SMYD3: variants seen among roughly 807,000 people sequenced by gnomAD.
The protein encoded by SMYD3 is histone-lysine N-methyltransferase SMYD3.
Under a neutral mutation model 57.7 loss-of-function variants are expected in SMYD3, and 36 were observed. That is an observed-to-expected ratio of 0.62 (90% CI 0.48 to 0.82). The LOEUF is 0.82. Ranked by LOEUF, SMYD3 falls within the 40% of genes least tolerant of loss-of-function variation. The pLI is 0.00. For missense variants in SMYD3, 515 were observed against 538.8 expected (o/e 0.96, Z 0.44); for synonymous variants, 211 against 195.0 (o/e 1.08, Z -0.68).
intron 8 of SMYD3, among the ~76,000 whole-genome samples, chr1:245,879,396 G>C (rs1283157165): frequency 6.6e-6 from 1 of 152,208 alleles, no homozygotes; most frequent in Non-Finnish European, 1.5e-5. Flanking sequence ...CAGAAGAGAT[G>C]GGGAGTAGGC....
intron 5 of SMYD3, among the ~76,000 whole-genome samples, chr1:245,978,401 G>C (rs1013549470): frequency 1.5e-4 from 23 of 152,258 alleles, no homozygotes; most frequent in Admixed American, 1.3e-3. Context: ...ATTCAACTAA[G>C]AGTTCCCACA....
chr1:246,220,423 C>CCCACCTG (rs1249198396), intron 5 of SMYD3, among the ~76,000 whole-genome samples: 4 of 151,994 alleles, frequency 2.6e-5, no homozygotes, highest in Admixed American at 1.3e-4. Flanking sequence ...AGGTGGGAGC[C>CCCACCTG]CCACCTGCCT....
At chr1:246,216,154 G>C (rs1272019878) in intron 5 of SMYD3, among the ~76,000 whole-genome samples, 1 of 151,986 alleles carries the variant, frequency 6.6e-6, no homozygotes, top group Admixed American at 6.6e-5. Flanking sequence ...AAGCGTGATG[G>C]TGCACACCTG....
chr1:245,855,490 T>C (rs749260312), intron 10 of SMYD3, among the ~76,000 whole-genome samples: 1 of 152,188 alleles, frequency 6.6e-6, no homozygotes, highest in Non-Finnish European at 1.5e-5. Context: ...GTTAAACTTT[T>C]AAATAAAATT....
intron 1 of SMYD3, among the ~76,000 whole-genome samples, chr1:246,366,215 A>G (rs1342016994): frequency 2.6e-5 from 4 of 152,242 alleles, no homozygotes; most frequent in African/African-American, 7.2e-5. Context: ...AACTAACAAG[A>G]TAATTCAGAG....
intron 5 of SMYD3, among the ~76,000 whole-genome samples, chr1:245,970,395 G>T (rs896341018): frequency 9.2e-5 from 14 of 152,130 alleles, no homozygotes; most frequent in Non-Finnish European, 1.9e-4. Flanking sequence ...CAGGACATAG[G>T]CATGGGCAAG....
At chr1:246,264,510 T>C (rs888733923) in intron 5 of SMYD3, among the ~76,000 whole-genome samples, 1 of 152,176 alleles carries the variant, frequency 6.6e-6, no homozygotes, top group African/African-American at 2.4e-5. Context: ...ACGGTAACTT[T>C]TCTATATTTT....
chr1:246,392,351 A>G (rs999291099), intron 1 of SMYD3, among the ~76,000 whole-genome samples: 1 of 152,176 alleles, frequency 6.6e-6, no homozygotes, highest in Non-Finnish European at 1.5e-5. Context: ...TAATAACAAT[A>G]ATAACCAACA....
At chr1:246,305,410 A>G (rs1291718343) in intron 5 of SMYD3, among the ~76,000 whole-genome samples, 1 of 152,198 alleles carries the variant, frequency 6.6e-6, no homozygotes, top group Non-Finnish European at 1.5e-5. Flanking sequence ...AACATAAAAT[A>G]TTAGGAATCA....
chr1:246,191,418 G>A (rs2062737179), intron 5 of SMYD3, among the ~76,000 whole-genome samples: 2 of 152,164 alleles, frequency 1.3e-5, no homozygotes, highest in South Asian at 4.1e-4. Context: ...GACAAGTTAT[G>A]TAAGGTTTTG....
Position 246,363,834 on chromosome 1 carries a change from T to G in SMYD3, c.165-8740A>C, listed in dbSNP as rs34378287. On this transcript the variant is annotated intron_variant, in intron 1 of 11. Transcript: ENST00000490107. Reference sequence around the variant, plus strand: ...AGGAAAACCAGAGACCTTTGTTCACTTGTTTATCTGCTGACCTTCCCTCCA... The same window carrying G: ...AGGAAAACCAGAGACCTTTGTTCACGTGTTTATCTGCTGACCTTCCCTCCA... Among the ~76,000 whole-genome samples the G allele has an allele frequency of 2.0e-5, 3 of 152,194 alleles. No individual in the cohort carries two copies. In the East Asian group the frequency reaches 5.8e-4, roughly 29 times the overall value.
chr1:246,366,930 CAAA>C (rs1269333583), intron 1 of SMYD3, among the ~76,000 whole-genome samples: 6 of 58,582 alleles, frequency 1.0e-4, no homozygotes, highest in Admixed American at 1.8e-4. Flanking sequence ...GACTCCATCT[CAAA>C]AAAAAAAAAA....
chr1:246,424,361 T>G (rs2067187254), intron 1 of SMYD3, among the ~76,000 whole-genome samples: 2 of 151,954 alleles, frequency 1.3e-5, no homozygotes, highest in Admixed American at 6.5e-5. Context: ...TAAAATGGAA[T>G]ATTAATAAAT....
chr1:246,459,148 G>T (rs924208272), intron 1 of SMYD3, among the ~76,000 whole-genome samples: 1 of 152,126 alleles, frequency 6.6e-6, no homozygotes, highest in Non-Finnish European at 1.5e-5. Context: ...TGTGTAGCAC[G>T]TCCCCCTTCA....
At chr1:246,122,754 C>T (rs1015962663) in intron 5 of SMYD3, among the ~76,000 whole-genome samples, 1 of 152,138 alleles carries the variant, frequency 6.6e-6, no homozygotes, top group Non-Finnish European at 1.5e-5. Context: ...GTGACCAGGC[C>T]GAACTCAGCT....
rs374212675 is a variant in SMYD3 at position 246,330,465 on chromosome 1, T to C, written c.394+15A>G. 7.7e-6 allele frequency: 12 copies of C among 1,561,370 alleles called. No homozygotes were observed. The African/African-American group carries it at 1.4e-4, about 18-fold the overall frequency. ...TATAGAAACTTTTTTAAGATGCTGA[T>C]AGACAATCACTTACTTGACTCCAGA... On this transcript the variant is annotated intron_variant, in intron 4 of 11. Coordinates refer to ENST00000490107, the MANE Select transcript of SMYD3 (RefSeq NM_001167740.2).
intron 5 of SMYD3, among the ~76,000 whole-genome samples, chr1:246,292,660 C>T (rs1284943284): frequency 2.0e-5 from 3 of 152,200 alleles, no homozygotes; most frequent in African/African-American, 7.2e-5. Flanking sequence ...CTGCAGTAAA[C>T]CATGTGACAC....
At chr1:246,393,220 T>G (rs1403856115) in intron 1 of SMYD3, among the ~76,000 whole-genome samples, 1 of 152,178 alleles carries the variant, frequency 6.6e-6, no homozygotes, top group Non-Finnish European at 1.5e-5. Context: ...ACTATACAAT[T>G]TAAATGAGTG....
At chr1:246,434,117 G>A (rs527406513) in intron 1 of SMYD3, among the ~76,000 whole-genome samples, 23 of 152,246 alleles carry the variant, frequency 1.5e-4, no homozygotes, top group African/African-American at 5.5e-4. Flanking sequence ...CAGAAATTAA[G>A]TCAAGATGGA....
Sources: gnomAD v4.1 joint callset for allele counts (sites outside exome capture counted in the v4.1 genomes callset) on GRCh38, gnomAD v4.1.1 for gene constraint, MANE v1.5 for transcripts, NCBI Gene and HGNC (gene_info 2026-07-23, HGNC 2026-07-21) for gene names.